Variants in LRRC37A2 observed in about 807,000 individuals in gnomAD.
The protein encoded by LRRC37A2 is leucine-rich repeat-containing protein 37A2.
A neutral mutation model predicts 68.8 loss-of-function variants in LRRC37A2; 9 were observed. The ratio of observed to expected loss-of-function variants is 0.13; its 90% CI spans 0.08 to 0.23. The LOEUF (loss-of-function observed/expected upper bound fraction) is 0.23, where lower values mean the gene tolerates loss of function less well. LRRC37A2 is among the 10% of genes least tolerant of loss of function. LRRC37A2 has a pLI of 1.00. For missense variants in LRRC37A2, 168 were observed against 950.4 expected (o/e 0.18, Z 10.82); for synonymous variants, 63 against 367.6 (o/e 0.17, Z 9.48).
At chr17:46,907,127 A>G in the LRRC37A2 span, among the ~76,000 whole-genome samples, 55 of 152,324 alleles carry the variant, frequency 3.6e-4, no homozygotes, top group Admixed American at 2.3e-3. Context: ...GCAGTTGCCA[A>G]TGAAGGGAAG....
the LRRC37A2 span, among the ~76,000 whole-genome samples, chr17:46,827,158 C>T: frequency 6.6e-6 from 1 of 152,108 alleles, no homozygotes; most frequent in African/African-American, 2.4e-5. Context: ...TCCCTTCCTC[C>T]AGGATGGCAG....
At chr17:46,931,993 G>A in the LRRC37A2 span, 1 of 1,372,590 alleles carries the variant, frequency 7.3e-7, no homozygotes, top group Non-Finnish European at 1.0e-6. Flanking sequence ...TCTTTCCTCA[G>A]TACAAAGCCT....
At chr17:46,728,755 CTG>C in the LRRC37A2 span, 1 of 700,200 alleles carries the variant, frequency 1.4e-6, no homozygotes, top group Non-Finnish European at 2.3e-6. Flanking sequence ...TATGTAGGGA[CTG>C]TGTTTACTTT....
At chr17:46,874,897 G>A in the LRRC37A2 span, 8 of 775,564 alleles carry the variant, frequency 1.0e-5, no homozygotes, top group Non-Finnish European at 4.4e-6. Flanking sequence ...CATTTAAATG[G>A]CAACTTGCAG....
At chr17:46,788,296 T>C in the LRRC37A2 span, among the ~76,000 whole-genome samples, 9 of 152,174 alleles carry the variant, frequency 5.9e-5, no homozygotes, top group African/African-American at 2.2e-4. Flanking sequence ...TTTCTCCCCT[T>C]CCTGACCCCT....
the LRRC37A2 span, among the ~76,000 whole-genome samples, chr17:46,852,389 AGTGTGTGTGTGTGTGTGTGTGT>A: frequency 6.6e-5 from 7 of 105,320 alleles, no homozygotes; most frequent in African/African-American, 1.1e-4. Flanking sequence ...GAGAGGGCCC[AGTGTGTGTGTGTGTGTGTGTGT>A]GTGTGTGTGT....
At chr17:46,534,638 C>T (rs528820301) in intron 6 of LRRC37A2, among the ~76,000 whole-genome samples, 16 of 148,614 alleles carry the variant, frequency 1.1e-4, no homozygotes, top group African/African-American at 3.4e-4. Context: ...TGTATCTTTT[C>T]CCCACATTTC....
the LRRC37A2 span, chr17:46,755,233 G>A: frequency 1.2e-5 from 13 of 1,055,644 alleles, no homozygotes; most frequent in Admixed American, 5.2e-5. Flanking sequence ...GTGTGAAACC[G>A]AACACTGCCT....
the LRRC37A2 span, among the ~76,000 whole-genome samples, chr17:47,026,905 C>CTTTGTTTGTTTG: frequency 2.0e-3 from 300 of 150,372 alleles, 1 homozygote; most frequent in Non-Finnish European, 3.4e-3. Context: ...AAATGTGAGA[C>CTTTGTTTGTTTG]TTTGTTTGTT....
intron 8 of LRRC37A2, among the ~76,000 whole-genome samples, chr17:46,542,599 T>G (rs957955528): frequency 9.3e-5 from 14 of 149,838 alleles, no homozygotes; most frequent in African/African-American, 3.3e-4. Context: ...GGAACCTGAG[T>G]CAGGAGGATC....
chr17:46,961,605 A>G, the LRRC37A2 span, among the ~76,000 whole-genome samples: 1 of 152,208 alleles, frequency 6.6e-6, no homozygotes, highest in African/African-American at 2.4e-5. Flanking sequence ...AAATAATCCA[A>G]ATATATTAGT....
chr17:47,025,170 A>G, the LRRC37A2 span, among the ~76,000 whole-genome samples: 1 of 152,218 alleles, frequency 6.6e-6, no homozygotes, highest in East Asian at 1.9e-4. Flanking sequence ...AAAGAGAAAT[A>G]TGTGAGAGAG....
At chr17:46,865,413 G>C in the LRRC37A2 span, among the ~76,000 whole-genome samples, 1,723 of 152,262 alleles carry the variant, frequency 0.011, 35 homozygotes, top group African/African-American at 0.04. Context: ...AGTCAGGGAT[G>C]GGTGGGGGAC....
chr17:46,995,807 C>G, the LRRC37A2 span, among the ~76,000 whole-genome samples: 1 of 152,214 alleles, frequency 6.6e-6, no homozygotes, highest in African/African-American at 2.4e-5. Flanking sequence ...CTCAACCCAA[C>G]TGAATCCTAT....
intron 6 of LRRC37A2, among the ~76,000 whole-genome samples, chr17:46,533,497 T>A (rs2145303952): frequency 7.1e-6 from 1 of 140,036 alleles, no homozygotes; most frequent in East Asian, 2.0e-4. Flanking sequence ...TATCTTTTTC[T>A]TTTTTTTTTT....
At chr17:46,852,336 G>A in the LRRC37A2 span, among the ~76,000 whole-genome samples, 1 of 151,936 alleles carries the variant, frequency 6.6e-6, no homozygotes, top group Non-Finnish European at 1.5e-5. Context: ...CCACATCTCA[G>A]ACCTGGCATG....
chr17:46,720,090 T>C, the LRRC37A2 span, among the ~76,000 whole-genome samples: 2 of 152,222 alleles, frequency 1.3e-5, no homozygotes, highest in East Asian at 3.8e-4. Context: ...GTTTAGTCTA[T>C]ACAAAGAGCA....
the LRRC37A2 span, among the ~76,000 whole-genome samples, chr17:46,902,547 G>A: frequency 6.6e-6 from 1 of 151,842 alleles, no homozygotes; most frequent in African/African-American, 2.4e-5. Flanking sequence ...ACTCGGCCAA[G>A]TTTTAACAAC....
chr17:46,862,176 A>G, the LRRC37A2 span, among the ~76,000 whole-genome samples: 1 of 151,270 alleles, frequency 6.6e-6, no homozygotes, highest in Non-Finnish European at 1.5e-5. Context: ...AAAAAAAAAA[A>G]AAAGAAAAAG....
Sources: allele counts gnomAD v4.1 joint callset (sites outside exome capture counted in the v4.1 genomes callset), GRCh38; gene constraint gnomAD v4.1.1; transcripts MANE v1.5; gene names NCBI Gene and HGNC (gene_info 2026-07-23, HGNC 2026-07-21).